Variants in RHEB observed in about 807,000 individuals in gnomAD.
The protein encoded by RHEB is Ras homolog, mTORC1 binding.
A neutral mutation model predicts 28.8 loss-of-function variants in RHEB; 2 were observed. That is an observed-to-expected ratio of 0.07 (90% CI 0.03 to 0.22). The LOEUF (loss-of-function observed/expected upper bound fraction) is 0.22. Among genes scored for constraint, RHEB ranks in the 10% least tolerant of loss-of-function variants. The probability of loss-of-function intolerance (pLI) is 1.00; values close to 1 mark genes in which losing one functional copy is unlikely to be tolerated. For missense variants in RHEB, 76 were observed against 219.9 expected (o/e 0.35, Z 4.14); for synonymous variants, 69 against 77.3 (o/e 0.89, Z 0.56).
chr7:151,494,195 C>T (rs1322025203), intron 1 of RHEB, among the ~76,000 whole-genome samples: 1 of 152,156 alleles, frequency 6.6e-6, no homozygotes, highest in African/African-American at 2.4e-5. Context: ...TGTAGTAGAA[C>T]TGGACTAAAA....
rs78903604 is a variant in RHEB at position 151,511,355 on chromosome 7, C to T, written c.52+8105G>A. Among the ~76,000 whole-genome samples, 503 of 152,268 alleles carry T rather than the reference C, an allele frequency of 3.3e-3. 3 individuals carry two copies. Among genetic ancestry groups the T allele is most frequent in the Non-Finnish European group, 5.9e-3 (401 of 68,014 alleles). Reference sequence around the variant, plus strand: ...GAGTCCTTCTGCAAACATGTAAGCACAACAAAAAGAGAAATGCGGGAGAGA... The same window carrying T: ...GAGTCCTTCTGCAAACATGTAAGCATAACAAAAAGAGAAATGCGGGAGAGA... On this transcript the variant is annotated intron_variant, in intron 1 of 7. Coordinates refer to ENST00000262187, the MANE Select transcript of RHEB (RefSeq NM_005614.4).
At position 151,519,646 on chromosome 7, in the gene RHEB, C is replaced by G. The variant is rs988307247; in HGVS notation, c.-135G>C. ...GGCGGCGGCGGGCGCGGCTGCCTCT[C>G]GCTCGCTAGCTCGCGCGCTCCCAAC... On this transcript the variant is annotated 5_prime_UTR_variant, in exon 1 of 8. Transcript: ENST00000262187. 15 of 707,016 alleles carry G rather than the reference C, an allele frequency of 2.1e-5. No individual in the cohort carries two copies. In the South Asian group the frequency reaches 5.4e-4, roughly 26 times the overall value. The allele number at this position is 707,016 out of a possible 1,614,324, so 43.8% of individuals were successfully genotyped here. A position where few individuals can be genotyped will look rare whatever the true frequency, so the allele number is the denominator to read the frequency against.
At chr7:151,477,470 C>T in intron 3 of RHEB, 55 bp from the exon 4 acceptor site, 2 of 1,027,856 alleles carry the variant, frequency 1.9e-6, no homozygotes, top group South Asian at 1.4e-5. Flanking sequence ...CACAAACAAA[C>T]TTTACCCAAA....
intron 1 of RHEB, among the ~76,000 whole-genome samples, chr7:151,492,044 G>A (rs751107930): frequency 1.7e-4 from 26 of 152,168 alleles, no homozygotes; most frequent in Non-Finnish European, 3.8e-4. Flanking sequence ...CCAGGAATGA[G>A]GAAGTGGTCT....
rs559258009 is a variant in RHEB, at chr7:151,481,766, C to T, written c.192+2971G>A. On this transcript the variant is annotated intron_variant, in intron 3 of 7. Transcript: ENST00000262187. ...ATTTTGTGCAAAAATTCTCCAAATA[C>T]TCTTACCCAGTTGTAATATAACCCG... is the stretch of plus-strand genomic sequence containing the variant. Among the ~76,000 whole-genome samples the T allele has an allele frequency of 1.3e-5, 2 of 152,368 alleles. 1 individual carries two copies. Among genetic ancestry groups the T allele is most frequent in the South Asian group, 4.1e-4 (2 of 4,832 alleles).
In RHEB at chr7:151,468,052, A is replaced by G. The variant is rs1030540427; in HGVS notation, c.463-841T>C. 6.6e-6 allele frequency among the ~76,000 whole-genome samples: 1 copy of G among 151,898 alleles called. No homozygotes were observed. The highest frequency in any genetic ancestry group is 6.6e-5 in the Admixed American group (1 of 15,232). On this transcript the variant is annotated intron_variant, in intron 7 of 7. Transcript: ENST00000262187. The surrounding 1 kb of genome is among the most constrained non-coding windows in gnomAD (Gnocchi z 4.3). ...GTCCTTGAAATGCAGTCCTGTGGTC[A>G]TGAAAAACTGCCCCTGTTCTCAGAA...
intron 3 of RHEB, among the ~76,000 whole-genome samples, chr7:151,479,922 A>G (rs1243052341): frequency 6.6e-6 from 1 of 152,202 alleles, no homozygotes; most frequent in Non-Finnish European, 1.5e-5. Flanking sequence ...GATAATTCAT[A>G]GGGGGAAAAA....
chr7:151,474,404 C>G (rs979918058), intron 4 of RHEB, among the ~76,000 whole-genome samples: 5 of 152,280 alleles, frequency 3.3e-5, no homozygotes, highest in Middle Eastern at 3.4e-3. Flanking sequence ...TGGTCTCGAA[C>G]TCCTGACCTC....
At chr7:151,475,405 C>T (rs1802254798) in intron 4 of RHEB, among the ~76,000 whole-genome samples, 1 of 152,118 alleles carries the variant, frequency 6.6e-6, no homozygotes, top group Admixed American at 6.5e-5. Context: ...TTACCAACAA[C>T]AAAACAATCT....
chr7:151,476,985 A>G (rs561351149), intron 4 of RHEB, among the ~76,000 whole-genome samples: 9 of 152,366 alleles, frequency 5.9e-5, no homozygotes, highest in South Asian at 4.1e-4. Context: ...AAACCCCCAC[A>G]TTTTATTAGA....
At chr7:151,481,993 A>G (rs1330644032) in intron 3 of RHEB, among the ~76,000 whole-genome samples, 3 of 152,354 alleles carry the variant, frequency 2.0e-5, no homozygotes, top group East Asian at 3.9e-4. Flanking sequence ...TTCCAACTTG[A>G]TAAGTAGTCA....
intron 1 of RHEB, among the ~76,000 whole-genome samples, chr7:151,494,655 G>C (rs1002695807): frequency 6.6e-6 from 1 of 152,196 alleles, no homozygotes; most frequent in South Asian, 2.1e-4. Context: ...ATTCCTCCAG[G>C]GTGGAAACTG....
At chr7:151,493,914 T>G (rs1211558429) in intron 1 of RHEB, among the ~76,000 whole-genome samples, 2 of 152,040 alleles carry the variant, frequency 1.3e-5, no homozygotes, top group African/African-American at 4.8e-5. Context: ...CAAACTGTTA[T>G]TTACACTGAA....
rs1405459075 is a variant in RHEB, at chr7:151,472,240, T to C, written c.276-635A>G. The stretch of plus-strand genomic sequence containing the variant: ...GCACATCACTGGCTCTACTTTCAAA[T>C]CCTACCTAGAATCTGACGGCTTCTC... On this transcript the variant is annotated intron_variant, in intron 4 of 7. Coordinates refer to ENST00000262187, the MANE Select transcript of RHEB (RefSeq NM_005614.4). The surrounding 1 kb of genome is among the most constrained non-coding windows in gnomAD (Gnocchi z 5.2). 6.6e-6 allele frequency among the ~76,000 whole-genome samples: 1 copy of C among 152,270 alleles called. No individual in the cohort carries two copies. Among genetic ancestry groups the C allele is most frequent in the Non-Finnish European group, 1.5e-5 (1 of 68,010 alleles).
At chr7:151,485,956 A>G (rs1461229110) in intron 2 of RHEB, among the ~76,000 whole-genome samples, 1 of 152,210 alleles carries the variant, frequency 6.6e-6, no homozygotes, top group East Asian at 1.9e-4. Context: ...CACTTTTAGG[A>G]AACAGTTAAA....
rs116662534 is a variant in RHEB at position 151,492,789 on chromosome 7, G to A, written c.53-1775C>T. Among the ~76,000 whole-genome samples the A allele has an allele frequency of 2.1e-3, 317 of 150,884 alleles. 2 individuals are homozygous for A. Among genetic ancestry groups the A allele is most frequent in the African/African-American group, 7.2e-3 (294 of 41,108 alleles). On this transcript the variant is annotated intron_variant, in intron 1 of 7. Transcript: ENST00000262187. ...CTACATGAGCATTTGAAAATTAAAC[G>A]CTACTTCTCTGCTTCCAATCCTCAT...
chr7:151,494,340 G>A (rs1802639258), intron 1 of RHEB, among the ~76,000 whole-genome samples: 2 of 152,176 alleles, frequency 1.3e-5, no homozygotes, highest in African/African-American at 2.4e-5. Flanking sequence ...GGAGTGAAGG[G>A]ACGGGGGAAA....
chr7:151,506,260 C>T (rs779831530), intron 1 of RHEB, among the ~76,000 whole-genome samples: 15 of 150,548 alleles, frequency 1.0e-4, no homozygotes, highest in Non-Finnish European at 1.9e-4. Context: ...GATCATAGCT[C>T]ACTGTATTCA....
chr7:151,479,478 T>G (rs913039777), intron 3 of RHEB, among the ~76,000 whole-genome samples: 2 of 152,016 alleles, frequency 1.3e-5, no homozygotes, highest in African/African-American at 2.4e-5. Flanking sequence ...GTCAGGAGAT[T>G]CATATCATCC....
Sources: allele counts gnomAD v4.1 joint callset (sites outside exome capture counted in the v4.1 genomes callset), GRCh38; gene constraint gnomAD v4.1.1; non-coding constraint Gnocchi (gnomAD v3.1); transcripts MANE v1.5; gene names NCBI Gene and HGNC (gene_info 2026-07-23, HGNC 2026-07-21).